The following VWF variants were observed in gnomAD, a reference collection of about 807,000 sequenced individuals.
The protein encoded by VWF is von Willebrand factor, also known as Factor VIII related antigen.
VWF carries 176 observed loss-of-function variants against 308.6 expected under a neutral mutation model. The ratio of observed to expected loss-of-function variants is 0.57; its 90% confidence interval spans 0.50 to 0.65. The LOEUF (loss-of-function observed/expected upper bound fraction) is 0.65. Ranked by LOEUF, VWF falls within the 30% of genes least tolerant of loss-of-function variation. The pLI is 0.00. For missense variants in VWF, 3,146 were observed against 3,648.2 expected (o/e 0.86, Z 3.55); for synonymous variants, 1,385 against 1,443.4 (o/e 0.96, Z 0.92).
intron 38 of VWF, among the ~76,000 whole-genome samples, chr12:5,989,903 C>T (rs1039234468): frequency 3.3e-5 from 5 of 152,134 alleles, no homozygotes; most frequent in Admixed American, 3.3e-4. Context: ...CTGAAATTAC[C>T]ACAGGTTTCT....
At chr12:6,076,335 G>C (rs188047179) in intron 6 of VWF, among the ~76,000 whole-genome samples, 125 of 152,310 alleles carry the variant, frequency 8.2e-4, no homozygotes, top group African/African-American at 3.0e-3. Flanking sequence ...GTATGTTAAT[G>C]ACTCTAAATA....
At chr12:6,103,492 G>A (rs1204723450) in intron 5 of VWF, among the ~76,000 whole-genome samples, 2 of 118,734 alleles carry the variant, frequency 1.7e-5, no homozygotes, top group African/African-American at 4.7e-5. Flanking sequence ...ACATATATGT[G>A]TATACACACA....
chr12:6,032,150 C>T (rs1043874833), intron 20 of VWF, among the ~76,000 whole-genome samples: 36 of 152,082 alleles, frequency 2.4e-4, no homozygotes, highest in Non-Finnish European at 5.1e-4. Context: ...AAAGGGGACA[C>T]ATTCCTGGCA....
chr12:6,114,825 C>T (rs2136527818), intron 3 of VWF, among the ~76,000 whole-genome samples: 1 of 152,286 alleles, frequency 6.6e-6, no homozygotes, highest in African/African-American at 2.4e-5. Flanking sequence ...GGAACTGGGG[C>T]TCCTGAAGGG....
At chr12:6,067,757 C>T (rs1944733067) in intron 10 of VWF, among the ~76,000 whole-genome samples, 1 of 152,044 alleles carries the variant, frequency 6.6e-6, no homozygotes, top group African/African-American at 2.4e-5. Flanking sequence ...GAACAGCGGG[C>T]CCACCACTAG....
intron 47 of VWF, among the ~76,000 whole-genome samples, chr12:5,966,724 A>G (rs1943409176): frequency 6.6e-6 from 1 of 152,162 alleles, no homozygotes; most frequent in South Asian, 2.1e-4. Flanking sequence ...CCATCGCCAT[A>G]GTTCATGCAT....
intron 6 of VWF, among the ~76,000 whole-genome samples, chr12:6,087,084 A>G (rs1355612326): frequency 6.6e-6 from 1 of 152,144 alleles, no homozygotes; most frequent in African/African-American, 2.4e-5. Flanking sequence ...TAAACACCAA[A>G]TTCAGAGACC....
chr12:6,103,520 A>G (rs932390018), intron 5 of VWF, among the ~76,000 whole-genome samples: 11 of 138,540 alleles, frequency 7.9e-5, no homozygotes, highest in African/African-American at 2.8e-4. Context: ...ATATACACAC[A>G]TATGTGTATA....
At chr12:6,038,439 G>A (rs1030010106) in intron 18 of VWF, among the ~76,000 whole-genome samples, 20 of 152,188 alleles carry the variant, frequency 1.3e-4, no homozygotes, top group African/African-American at 3.9e-4. Context: ...CCTTGGGCAG[G>A]CCGGGCTGGG....
In VWF at chr12:6,013,543, C is replaced by T. The variant is rs2136405553; in HGVS notation, c.5558G>A (p.Arg1853Gln). The change falls in exon 32 of 52, where the codon CGA (arginine) becomes CAA (glutamine). Residue 1853 changes from arginine (R) to glutamine (Q), a missense_variant. Coordinates refer to ENST00000261405, the MANE Select transcript of VWF (RefSeq NM_000552.5). ...GACCATGGTAGGGAGGTCTTCGATT[C>T]GCTGGAGCTTCACCACGTTGGAGTC... Reference protein sequence around the residue: ...AGDSNVVKLQRIEDLPTMVTL... With the variant: ...AGDSNVVKLQQIEDLPTMVTL... 11 of 1,614,080 alleles carry T rather than the reference C, an allele frequency of 6.8e-6. No individual in the cohort carries two copies. The highest frequency in any genetic ancestry group is 9.3e-6 in the Non-Finnish European group (11 of 1,179,988).
intron 5 of VWF, among the ~76,000 whole-genome samples, chr12:6,103,485 T>C (rs184377539): frequency 4.1e-4 from 49 of 120,604 alleles, no homozygotes; most frequent in African/African-American, 6.6e-4. Flanking sequence ...TGTATATACA[T>C]ATATGTGTAT....
At position 6,029,397 on chromosome 12, in the gene VWF, G is replaced by A; in HGVS notation, c.2912C>T (p.Ser971Phe). 1 of 1,614,116 alleles carries A rather than the reference G, an allele frequency of 6.2e-7. No individual in the cohort carries two copies. ...YIILLLGKAL[S>F]VVWDRHLSIS... Reference sequence around the variant, plus strand: ...GCTCAGGTGGCGGTCCCAGACCACGGAGAGGGCTTTGCCCAGCAGCAGAAT... The same window carrying A: ...GCTCAGGTGGCGGTCCCAGACCACGAAGAGGGCTTTGCCCAGCAGCAGAAT... The change falls in exon 22 of 52, where the codon TCC (serine) becomes TTC (phenylalanine). Residue 971 changes from serine (S) to phenylalanine (F), a missense_variant. By Grantham distance (155) the Ser-to-Phe change is radical. Transcript: ENST00000261405.
chr12:5,982,572 C>T (rs1182323719), intron 41 of VWF, among the ~76,000 whole-genome samples: 1 of 152,212 alleles, frequency 6.6e-6, no homozygotes, highest in Admixed American at 6.5e-5. Flanking sequence ...CTCCTCCCAC[C>T]TTGAAGTCTC....
rs531665985 is a variant in VWF at position 6,018,987 on chromosome 12, A to G, written c.4431T>C (p.Thr1477=). 38 of 1,613,866 alleles carry G rather than the reference A, an allele frequency of 2.4e-5. 1 individual carries two copies. In the Middle Eastern group the frequency reaches 9.9e-4, roughly 42 times the overall value. The change falls in exon 28 of 52, where the codon ACT becomes ACC. Residue 1477 remains threonine, a synonymous_variant. Coordinates refer to ENST00000261405, the MANE Select transcript of VWF (RefSeq NM_000552.5). The stretch of plus-strand genomic sequence containing the variant: ...AAACCCCCAAGAGCCCCGGGCCCAC[A>G]GTGACTTGTGCCATGTCGGGGGGCA... ...PTLPPDMAQV[T]VGPGLLGVST...
chr12:6,105,092 A>C (rs1053110331), intron 5 of VWF, among the ~76,000 whole-genome samples: 1 of 152,248 alleles, frequency 6.6e-6, no homozygotes, highest in Non-Finnish European at 1.5e-5. Context: ...GAGACTCAGA[A>C]AGGTGAGAGA....
chr12:6,062,971 C>G lies in VWF; in HGVS notation c.1516G>C (p.Gly506Arg), dbSNP rs201456647. Residue 506 changes from glycine to arginine, a missense_variant, in exon 13 of 52, where the codon GGG (glycine) becomes CGG (arginine). Around this residue, in one of 3 missense-constraint regions of VWF, gnomAD observed 1,304 missense variants for 1,353.0 expected, o/e 0.96. Coordinates refer to ENST00000261405, the MANE Select transcript of VWF (RefSeq NM_000552.5). The stretch of plus-strand genomic sequence containing the variant: ...GCACCTACCTTCACCAGCAGCCTCC[C>G]GCGGCCATCCCAGTCCATCTGCAGG... Reference protein sequence around the residue: ...EDLQMDWDGRGRLLVKLSPVY... With the variant: ...EDLQMDWDGRRRLLVKLSPVY... 2.5e-6 allele frequency: 4 copies of G among 1,612,792 alleles called. No individual in the cohort carries two copies. Among genetic ancestry groups the G allele is most frequent in the Non-Finnish European group, 3.4e-6 (4 of 1,180,006 alleles).
chr12:6,068,832 T>G (rs1188538729), intron 10 of VWF, among the ~76,000 whole-genome samples: 161 of 101,058 alleles, frequency 1.6e-3, no homozygotes, highest in African/African-American at 8.3e-3. Context: ...TTTTTTTTTT[T>G]TGCGTGTGTG....
Position 6,082,468 on chromosome 12 carries a change from C to T in VWF, c.658-6917G>A, listed in dbSNP as rs184244149. 1.5e-3 allele frequency among the ~76,000 whole-genome samples: 228 copies of T among 152,230 alleles called. 1 individual carries two copies. The highest frequency in any genetic ancestry group is 6.5e-4 in the Admixed American group (10 of 15,302). On this transcript the variant is annotated intron_variant, in intron 6 of 51. Coordinates refer to ENST00000261405, the MANE Select transcript of VWF (RefSeq NM_000552.5). ...AACAGTTGGAGAACTGCTATACAAT[C>T]GTTAAATTTTAAGTTTAGCCGAAAG... is the stretch of plus-strand genomic sequence containing the variant.
At chr12:5,973,607 C>T (rs893074180) in intron 43 of VWF, among the ~76,000 whole-genome samples, 2 of 152,166 alleles carry the variant, frequency 1.3e-5, no homozygotes, top group Non-Finnish European at 2.9e-5. Context: ...CGGGTCAGGA[C>T]CCTCCAGTGT....
Sources: gnomAD v4.1 joint callset for allele counts (sites outside exome capture counted in the v4.1 genomes callset) on GRCh38, gnomAD v4.1.1 for gene constraint, gnomAD v4.1.1 regional missense constraint, MANE v1.5 for transcripts, NCBI Gene and HGNC (gene_info 2026-07-23, HGNC 2026-07-21) for gene names.